The following TRIP4 variants were observed in gnomAD, a reference collection of about 807,000 sequenced individuals.
TRIP4 encodes thyroid hormone receptor interactor 4.
Under a neutral mutation model 81.8 loss-of-function variants are expected in TRIP4, and 54 were observed. That is an observed-to-expected ratio of 0.66 (90% CI 0.53 to 0.83). TRIP4 has a LOEUF of 0.83. Ranked by LOEUF, TRIP4 falls within the 40% of genes least tolerant of loss-of-function variation. The probability of loss-of-function intolerance (pLI) is 0.00; values close to 1 mark genes in which losing one functional copy is unlikely to be tolerated. For missense variants in TRIP4, 662 were observed against 683.6 expected (o/e 0.97, Z 0.35); for synonymous variants, 270 against 242.8 (o/e 1.11, Z -1.04).
intron 11 of TRIP4, among the ~76,000 whole-genome samples, chr15:64,432,497 C>G (rs112083549): frequency 0.068 from 10,306 of 152,016 alleles, 1,160 homozygotes; most frequent in African/African-American, 0.23. Context: ...GTAATCCCAG[C>G]TACTTGGGTC....
intron 1 of TRIP4, among the ~76,000 whole-genome samples, chr15:64,392,258 A>G (rs1008438018): frequency 1.4e-5 from 2 of 147,750 alleles, no homozygotes; most frequent in African/African-American, 4.9e-5. Context: ...AGATCGCACC[A>G]CTGCACTCCA....
chr15:64,433,917 AT>A (rs35935166), intron 11 of TRIP4, among the ~76,000 whole-genome samples: 130,985 of 151,234 alleles, frequency 0.87, 57,621 homozygotes, highest in East Asian at 0.96. Context: ...TTTGTGTGTG[AT>A]TTTTTTTTTT....
chr15:64,389,662 A>G (rs866968507), intron 1 of TRIP4, among the ~76,000 whole-genome samples: 1 of 151,990 alleles, frequency 6.6e-6, no homozygotes, highest in Admixed American at 6.6e-5. Flanking sequence ...TTTGCAATAT[A>G]TAAAACAGAA....
intron 4 of TRIP4, among the ~76,000 whole-genome samples, chr15:64,398,895 T>C (rs1900374116): frequency 6.7e-6 from 1 of 149,446 alleles, no homozygotes; most frequent in Admixed American, 6.7e-5. Flanking sequence ...TATTACTTCA[T>C]TTTCTCCTCT....
chr15:64,414,139 C>T lies in TRIP4; in HGVS notation c.1098C>T (p.Thr366=), dbSNP rs1369424584. The T allele has an allele frequency of 4.3e-6, 7 of 1,613,978 alleles. No homozygotes were observed. The highest frequency in any genetic ancestry group is 5.9e-6 in the Non-Finnish European group (7 of 1,180,016). Reference sequence around the variant, plus strand: ...ATGGAACCTTGAACCAGCCACTGACCAAATTGGATAGATCTTCTGAAGAGC... The same window carrying T: ...ATGGAACCTTGAACCAGCCACTGACTAAATTGGATAGATCTTCTGAAGAGC... The part of the protein sequence containing the change: ...IANGTLNQPL[T]KLDRSSEEPL... The change falls in exon 8 of 13, where the codon ACC becomes ACT. Residue 366 remains threonine, a synonymous_variant. Coordinates refer to ENST00000261884, the MANE Select transcript of TRIP4 (RefSeq NM_016213.5).
chr15:64,397,663 A>G lies in TRIP4; in HGVS notation c.463A>G (p.Arg155Gly). 6.2e-7 allele frequency: 1 copy of G among 1,614,224 alleles called. No homozygotes were observed. Among genetic ancestry groups the G allele is most frequent in the Non-Finnish European group, 8.5e-7 (1 of 1,180,034 alleles). Reference protein sequence around the residue: ...KKTKFVNLYTREGQDRLAVLL... With the variant: ...KKTKFVNLYTGEGQDRLAVLL... ...GACAAAGTTTGTCAATTTATACACA[A>G]GAGAGGGACAGGACAGGCTTGCAGT... The change falls in exon 4 of 13, where the codon AGA becomes GGA. Residue 155 changes from arginine (R) to glycine (G), a missense_variant. By Grantham distance (125) the Arg-to-Gly change is moderately radical (BLOSUM62 -2). Transcript: ENST00000261884.
intron 11 of TRIP4, among the ~76,000 whole-genome samples, chr15:64,431,560 G>C (rs889398236): frequency 5.9e-5 from 9 of 151,778 alleles, no homozygotes; most frequent in African/African-American, 2.2e-4. Context: ...AAAAAAATTA[G>C]CTGGGTGTGG....
At chr15:64,395,912 CTTT>C (rs3057763) in intron 3 of TRIP4, among the ~76,000 whole-genome samples, 133 of 143,716 alleles carry the variant, frequency 9.3e-4, no homozygotes, top group Non-Finnish European at 1.1e-3. Flanking sequence ...AGCTAATTTT[CTTT>C]TTTTTTTTTT....
chr15:64,448,520 G>C (rs1892683749), intron 12 of TRIP4, among the ~76,000 whole-genome samples: 1 of 152,190 alleles, frequency 6.6e-6, no homozygotes. Flanking sequence ...TTGGAGTGCA[G>C]TGGCACAATC....
intron 12 of TRIP4, among the ~76,000 whole-genome samples, chr15:64,448,293 C>T (rs901916999): frequency 3.9e-5 from 6 of 152,160 alleles, no homozygotes; most frequent in Non-Finnish European, 5.9e-5. Context: ...TTAGTACTTT[C>T]TCTACACCTT....
intron 10 of TRIP4, among the ~76,000 whole-genome samples, chr15:64,424,863 C>A (rs572872307): frequency 6.6e-6 from 1 of 152,154 alleles, no homozygotes; most frequent in Non-Finnish European, 1.5e-5. Context: ...GCAACTTCCG[C>A]CTTCCAGGTT....
chr15:64,425,188 C>G (rs1163228007), intron 10 of TRIP4, among the ~76,000 whole-genome samples: 3 of 151,978 alleles, frequency 2.0e-5, no homozygotes, highest in Admixed American at 2.0e-4. Context: ...CTGTAACTGC[C>G]TTACTTTGCT....
chr15:64,404,558 A>G (rs569110042), intron 5 of TRIP4, among the ~76,000 whole-genome samples: 35 of 152,018 alleles, frequency 2.3e-4, no homozygotes, highest in African/African-American at 8.2e-4. Flanking sequence ...TGATCCACCC[A>G]CCTTGGCCTC....
At chr15:64,393,453 G>A (rs911037421) in intron 1 of TRIP4, 3 of 151,548 alleles carry the variant, frequency 2.0e-5, no homozygotes, top group African/African-American at 7.3e-5. Flanking sequence ...CACCGCGCCC[G>A]GCCGCTTATG....
intron 7 of TRIP4, among the ~76,000 whole-genome samples, chr15:64,413,630 C>T (rs1291345802): frequency 1.3e-5 from 2 of 151,972 alleles, no homozygotes; most frequent in African/African-American, 4.8e-5. Context: ...CACTCTATTG[C>T]CCAGGCTGGA....
chr15:64,448,988 T>G (rs1892692411), intron 12 of TRIP4, among the ~76,000 whole-genome samples: 1 of 152,082 alleles, frequency 6.6e-6, no homozygotes, highest in South Asian at 2.1e-4. Flanking sequence ...GGCAGGAGGA[T>G]CACTTGAAGC....
Position 64,395,528 on chromosome 15 carries a change from C to T in TRIP4, c.402C>T (p.Ala134=), listed in dbSNP as rs746631280. Residue 134 remains alanine (A), a synonymous_variant, in exon 3 of 13, where the codon GCC becomes GCT. Coordinates refer to ENST00000261884, the MANE Select transcript of TRIP4 (RefSeq NM_016213.5). ...TAEVKTPFDL[A]KAQENSNSVK... is the part of the protein sequence containing the mutation. ...AGGTTAAAACACCTTTTGATTTGGC[C>T]AAGGTGAGTGCTTATAGATTGAAGC... 2.5e-6 allele frequency: 4 copies of T among 1,608,900 alleles called. No homozygotes were observed. Among genetic ancestry groups the T allele is most frequent in the Non-Finnish European group, 3.4e-6 (4 of 1,177,460 alleles).
intron 11 of TRIP4, among the ~76,000 whole-genome samples, chr15:64,440,990 AT>A (rs1396061395): frequency 0.054 from 7,858 of 144,424 alleles, 616 homozygotes; most frequent in African/African-American, 0.18. Context: ...TGGTAAATTC[AT>A]TTTTTTTTTT....
intron 7 of TRIP4, among the ~76,000 whole-genome samples, chr15:64,411,686 T>TG (rs1200494471): frequency 9.4e-5 from 1 of 10,646 alleles, no homozygotes; most frequent in Non-Finnish European, 5.0e-3. Context: ...GTGCATACTG[T>TG]TTTTTTTTTT....
Sources: allele counts gnomAD v4.1 joint callset (sites outside exome capture counted in the v4.1 genomes callset), GRCh38; gene constraint gnomAD v4.1.1; transcripts MANE v1.5; gene names NCBI Gene and HGNC (gene_info 2026-07-23, HGNC 2026-07-21).